The following MRTFB variants were observed in gnomAD, a reference collection of about 807,000 sequenced individuals.
The protein encoded by MRTFB is myocardin related transcription factor B.
In MRTFB, 29 loss-of-function variants were observed where a neutral mutation model predicts 104.2. The ratio of observed to expected loss-of-function variants is 0.28; its 90% CI spans 0.21 to 0.38. The LOEUF (loss-of-function observed/expected upper bound fraction) is 0.38, where lower values mean the gene tolerates loss of function less well. Among genes scored for constraint, MRTFB ranks in the 10% least tolerant of loss-of-function variants. The pLI, the probability that MRTFB is intolerant of heterozygous loss-of-function variation, is 1.00. For synonymous variants in MRTFB, 535 were observed against 519.5 expected (o/e 1.03, Z -0.41); for missense variants, 1,270 against 1,341.6 (o/e 0.95, Z 0.83).
the MRTFB span, among the ~76,000 whole-genome samples, chr16:14,031,463 G>A: frequency 6.6e-6 from 1 of 151,108 alleles, no homozygotes; most frequent in African/African-American, 2.4e-5. Context: ...TAACAGTTAT[G>A]TATCTTACTA....
At chr16:14,130,043 C>T (rs1362687380) in intron 2 of MRTFB, among the ~76,000 whole-genome samples, 2 of 152,172 alleles carry the variant, frequency 1.3e-5, no homozygotes, top group Non-Finnish European at 1.5e-5. Flanking sequence ...GTTCACTAGG[C>T]TGGTCTTGCA....
At chr16:14,195,057 C>T (rs914484773) in intron 3 of MRTFB, among the ~76,000 whole-genome samples, 1 of 152,170 alleles carries the variant, frequency 6.6e-6, no homozygotes, top group African/African-American at 2.4e-5. Context: ...GTGCAAGTAT[C>T]CAGTGTCTGC....
intron 3 of MRTFB, among the ~76,000 whole-genome samples, chr16:14,163,256 A>G (rs2039109771): frequency 6.6e-6 from 1 of 152,140 alleles, no homozygotes; most frequent in Non-Finnish European, 1.5e-5. Flanking sequence ...TTTTCTTGGA[A>G]CCCAATTGGA....
chr16:14,096,056 A>G (rs2035348178), intron 2 of MRTFB, among the ~76,000 whole-genome samples: 1 of 15,474 alleles, frequency 6.5e-5, no homozygotes, highest in Non-Finnish European at 6.7e-4. Flanking sequence ...GCTGAAATTT[A>G]TTTATTTATT....
chr16:14,118,142 C>CT (rs200411394), intron 2 of MRTFB, among the ~76,000 whole-genome samples: 9,352 of 109,644 alleles, frequency 0.085, 599 homozygotes, highest in African/African-American at 0.2. Flanking sequence ...TTTTCTTTTT[C>CT]TTTTTTTTTT....
intron 2 of MRTFB, among the ~76,000 whole-genome samples, chr16:14,106,074 C>T (rs936520660): frequency 6.6e-6 from 1 of 152,184 alleles, no homozygotes; most frequent in African/African-American, 2.4e-5. Flanking sequence ...ATTTCAAGAA[C>T]AGATATTTAC....
At chr16:14,239,022 A>G (rs1308597904) in intron 9 of MRTFB, among the ~76,000 whole-genome samples, 2 of 152,184 alleles carry the variant, frequency 1.3e-5, no homozygotes, top group Non-Finnish European at 1.5e-5. Context: ...TGCTGAATGC[A>G]CAATTGGGAG....
At chr16:14,229,899 T>G (rs1185936236) in intron 8 of MRTFB, among the ~76,000 whole-genome samples, 1 of 152,150 alleles carries the variant, frequency 6.6e-6, no homozygotes, top group Non-Finnish European at 1.5e-5. Flanking sequence ...CAAAGCAAAG[T>G]TTGCAGCTTT....
At chr16:14,223,483 G>A (rs988260915) in intron 8 of MRTFB, among the ~76,000 whole-genome samples, 3 of 151,942 alleles carry the variant, frequency 2.0e-5, no homozygotes, top group African/African-American at 7.3e-5. Context: ...CAAACTAAAG[G>A]AAATTAGGAA....
chr16:14,236,377 C>T (rs1022367128), intron 9 of MRTFB, among the ~76,000 whole-genome samples: 2 of 152,118 alleles, frequency 1.3e-5, no homozygotes, highest in East Asian at 1.9e-4. Context: ...ATTTGTTGAA[C>T]GGATACTTAT....
intron 1 of MRTFB, among the ~76,000 whole-genome samples, chr16:14,071,883 C>A (rs1009819663): frequency 6.6e-6 from 1 of 152,268 alleles, no homozygotes; most frequent in Admixed American, 6.5e-5. Context: ...TGTCTGGGAG[C>A]GCCCTGAAGT....
chr16:14,052,003 A>G, the MRTFB span, among the ~76,000 whole-genome samples: 37 of 152,092 alleles, frequency 2.4e-4, no homozygotes, highest in Non-Finnish European at 2.4e-4. Context: ...TTCCTCTCAC[A>G]TCAAGTTTTG....
chr16:14,002,457 C>T, the MRTFB span, among the ~76,000 whole-genome samples: 5 of 150,628 alleles, frequency 3.3e-5, no homozygotes, highest in East Asian at 3.9e-4. Flanking sequence ...ACTTGAGACT[C>T]GATGAAATTA....
chr16:14,045,985 G>A, the MRTFB span, among the ~76,000 whole-genome samples: 1 of 152,206 alleles, frequency 6.6e-6, no homozygotes, highest in African/African-American at 2.4e-5. Context: ...GCTAGTAGCA[G>A]TAGTGTTGGT....
chr16:14,259,806 T>G (rs1244437689), intron 16 of MRTFB, among the ~76,000 whole-genome samples: 1 of 152,182 alleles, frequency 6.6e-6, no homozygotes, highest in Non-Finnish European at 1.5e-5. Flanking sequence ...AGATGACACT[T>G]AAAGCTTTCA....
chr16:14,032,512 C>CT, the MRTFB span, among the ~76,000 whole-genome samples: 8 of 152,006 alleles, frequency 5.3e-5, no homozygotes, highest in African/African-American at 1.9e-4. Flanking sequence ...TGTTTCTCTG[C>CT]TTTTTTTTCT....
At chr16:14,213,878 T>TA (rs2041303006) in intron 6 of MRTFB, among the ~76,000 whole-genome samples, 1 of 152,150 alleles carries the variant, frequency 6.6e-6, no homozygotes, top group Admixed American at 6.6e-5. Flanking sequence ...ACTGTTCCAC[T>TA]AAAAAAATTG....
the MRTFB span, among the ~76,000 whole-genome samples, chr16:14,006,050 A>T: frequency 1.2e-3 from 176 of 152,264 alleles, 1 homozygote; most frequent in African/African-American, 3.8e-3. Flanking sequence ...TCTGCTAAAA[A>T]TACAAAAATT....
chr16:14,090,728 C>G (rs1028485346), intron 2 of MRTFB, among the ~76,000 whole-genome samples: 22 of 152,158 alleles, frequency 1.4e-4, no homozygotes, highest in African/African-American at 5.3e-4. Flanking sequence ...CCATGTATGC[C>G]AAGTACACTA....
Sources: gnomAD v4.1 joint callset for allele counts (sites outside exome capture counted in the v4.1 genomes callset) on GRCh38, gnomAD v4.1.1 for gene constraint, MANE v1.5 for transcripts, NCBI Gene and HGNC (gene_info 2026-07-23, HGNC 2026-07-21) for gene names.